Variants in SAMD5 observed in about 807,000 individuals in gnomAD.
SAMD5 encodes the protein sterile alpha motif domain-containing protein 5.
A neutral mutation model predicts 11.3 loss-of-function variants in SAMD5; 13 were observed. That is an observed-to-expected ratio of 1.15 (90% CI 0.75 to 1.83). The LOEUF (loss-of-function observed/expected upper bound fraction) is 1.83. Ranked by LOEUF, SAMD5 falls within the 40% of genes most tolerant of loss-of-function variation. The probability of loss-of-function intolerance (pLI) is 0.00; values close to 1 mark genes in which losing one functional copy is unlikely to be tolerated. For missense variants in SAMD5, 255 were observed against 239.1 expected, an observed-to-expected ratio of 1.07 and a Z score of -0.44; for synonymous variants, 129 against 111.3, an observed-to-expected ratio of 1.16 and a Z score of -1.00.
the SAMD5 span, among the ~76,000 whole-genome samples, chr6:147,772,822 T>G: frequency 6.6e-6 from 1 of 152,178 alleles, no homozygotes; most frequent in South Asian, 2.1e-4. Context: ...CTGAGGTACC[T>G]GGGGATTAGG....
At chr6:147,873,195 G>A in the SAMD5 span, among the ~76,000 whole-genome samples, 1 of 152,018 alleles carries the variant, frequency 6.6e-6, no homozygotes, top group Non-Finnish European at 1.5e-5. Flanking sequence ...TGGCCAACAT[G>A]GTGAAGCCCT....
the SAMD5 span, among the ~76,000 whole-genome samples, chr6:147,806,218 G>A: frequency 6.6e-6 from 1 of 152,206 alleles, no homozygotes; most frequent in East Asian, 1.9e-4. Flanking sequence ...TTGCTAATGA[G>A]ACATCCTCTG....
At chr6:147,655,061 T>C (rs949997871) in intron 1 of SAMD5, among the ~76,000 whole-genome samples, 19 of 152,124 alleles carry the variant, frequency 1.2e-4, no homozygotes, top group Admixed American at 4.6e-4. Context: ...AAACTCATTT[T>C]TGCTCTTTCC....
At position 147,568,714 on chromosome 6, in the gene SAMD5, A is replaced by C. The variant is rs1789083760; in HGVS notation, c.*4258A>C. On this transcript the variant is annotated 3_prime_UTR_variant, in exon 2 of 2. Coordinates refer to ENST00000367474, the MANE Select transcript of SAMD5 (RefSeq NM_001030060.3). ...AGGCTTTCTCTTTTAGAGTTTTCTAATTTTACTCTTATTAGCTCCCTCAGT... is the reference window on the plus strand; with the variant it reads ...AGGCTTTCTCTTTTAGAGTTTTCTACTTTTACTCTTATTAGCTCCCTCAGT... 1 of 984,586 alleles carries C rather than the reference A, an allele frequency of 1.0e-6. No individual in the cohort carries two copies. The highest frequency in any genetic ancestry group is 6.2e-5 in the Admixed American group (1 of 16,250). 61.0% of individuals were successfully genotyped at this position (984,586 alleles called of 1,614,324 possible). A position where few individuals can be genotyped will look rare whatever the true frequency, so the allele number is the denominator to read the frequency against.
chr6:147,632,650 C>G (rs1790168639), intron 1 of SAMD5, among the ~76,000 whole-genome samples: 1 of 152,160 alleles, frequency 6.6e-6, no homozygotes, highest in African/African-American at 2.4e-5. Flanking sequence ...AGGGCGTGGT[C>G]CCAGTCCTTG....
intron 1 of SAMD5, among the ~76,000 whole-genome samples, chr6:147,631,991 A>T (rs1474443830): frequency 6.6e-6 from 1 of 152,182 alleles, no homozygotes; most frequent in Non-Finnish European, 1.5e-5. Context: ...ATGGGAAGAG[A>T]TATTTTCCTT....
intron 1 of SAMD5, among the ~76,000 whole-genome samples, chr6:147,593,475 A>G (rs191027072): frequency 3.3e-5 from 5 of 152,344 alleles, no homozygotes; most frequent in Admixed American, 3.3e-4. Flanking sequence ...TAGAAGTGCC[A>G]TAAAATGTTT....
chr6:147,827,342 G>C, the SAMD5 span, among the ~76,000 whole-genome samples: 1 of 151,740 alleles, frequency 6.6e-6, no homozygotes, highest in Non-Finnish European at 1.5e-5. Flanking sequence ...AACAAGGAAG[G>C]AATAGTAAAT....
rs549003654 is a variant in SAMD5 at position 147,702,738 on chromosome 6, G to A, written c.163-34579G>A. On this transcript the variant is annotated intron_variant, in intron 1 of 1. Transcript: ENST00000566741. ...GCTCCTAATACTGTTCCATTAAGTG[G>A]CCTTGTTAATAATGGACCAGTGGAG... 4.6e-5 allele frequency among the ~76,000 whole-genome samples: 7 copies of A among 152,166 alleles called. No homozygotes were observed. In the East Asian group the frequency reaches 1.2e-3, roughly 25 times the overall value.
chr6:147,856,330 G>C, the SAMD5 span, among the ~76,000 whole-genome samples: 2 of 152,144 alleles, frequency 1.3e-5, no homozygotes, highest in Non-Finnish European at 2.9e-5. Flanking sequence ...AAAGGAGAAT[G>C]ATGAAAGTTG....
At chr6:147,720,417 A>G (rs867006503) in intron 1 of SAMD5, among the ~76,000 whole-genome samples, 3 of 151,578 alleles carry the variant, frequency 2.0e-5, no homozygotes, top group Admixed American at 1.3e-4. Flanking sequence ...GAGCCGAGAT[A>G]GCGCCACTGC....
At chr6:147,522,240 C>A (rs1486500485) in intron 1 of SAMD5, among the ~76,000 whole-genome samples, 3 of 152,064 alleles carry the variant, frequency 2.0e-5, no homozygotes, top group Non-Finnish European at 4.4e-5. Context: ...ATAATAATGA[C>A]AACTAGGTAT....
chr6:147,875,408 C>G, the SAMD5 span, among the ~76,000 whole-genome samples: 1 of 152,142 alleles, frequency 6.6e-6, no homozygotes, highest in Non-Finnish European at 1.5e-5. Flanking sequence ...TCTTTACACC[C>G]CCACATGCCT....
chr6:147,943,324 A>G, the SAMD5 span, among the ~76,000 whole-genome samples: 1 of 152,038 alleles, frequency 6.6e-6, no homozygotes, highest in Non-Finnish European at 1.5e-5. Flanking sequence ...TTTCCTGCTC[A>G]TTACAAGGAA....
chr6:147,878,102 A>G, the SAMD5 span, among the ~76,000 whole-genome samples: 1 of 151,280 alleles, frequency 6.6e-6, no homozygotes, highest in East Asian at 1.9e-4. Flanking sequence ...TTATCATAAT[A>G]TATATATATA....
the SAMD5 span, among the ~76,000 whole-genome samples, chr6:147,937,330 T>C: frequency 5.9e-5 from 9 of 152,314 alleles, no homozygotes; most frequent in Non-Finnish European, 1.2e-4. Flanking sequence ...ATTTGGATCC[T>C]CTAGCAAGGC....
At chr6:147,707,023 ATGCCAATTAAAGGCAACTTC>A (rs1470673327) in intron 1 of SAMD5, among the ~76,000 whole-genome samples, 2 of 152,228 alleles carry the variant, frequency 1.3e-5, no homozygotes, top group African/African-American at 4.8e-5. Context: ...TTATGTACAA[ATGCCAATTAAAGGCAACTTC>A]TGCCAGAAAG....
the SAMD5 span, among the ~76,000 whole-genome samples, chr6:147,783,439 G>A: frequency 6.6e-6 from 1 of 152,080 alleles, no homozygotes; most frequent in Admixed American, 6.5e-5. Flanking sequence ...TGTGGCCCAG[G>A]CTAGCGTGCA....
the SAMD5 span, among the ~76,000 whole-genome samples, chr6:147,910,392 G>A: frequency 2.0e-4 from 31 of 152,282 alleles, no homozygotes; most frequent in African/African-American, 6.5e-4. Context: ...ATGAGCAAGA[G>A]AGAACTGGGA....
Sources: allele counts gnomAD v4.1 joint callset (sites outside exome capture counted in the v4.1 genomes callset), GRCh38; gene constraint gnomAD v4.1.1; transcripts MANE v1.5; gene names NCBI Gene and HGNC (gene_info 2026-07-23, HGNC 2026-07-21).